ZBTB20: variants seen among roughly 807,000 people sequenced by gnomAD.
The protein encoded by ZBTB20 is zinc finger and BTB domain-containing protein 20.
ZBTB20 carries 9 observed loss-of-function variants against 56.9 expected under a neutral mutation model. The ratio of observed to expected loss-of-function variants is 0.16; its 90% CI spans 0.10 to 0.28. The LOEUF (loss-of-function observed/expected upper bound fraction) is 0.28. Ranked by LOEUF, ZBTB20 falls within the 10% of genes least tolerant of loss-of-function variation. ZBTB20 has a pLI of 1.00. For synonymous variants in ZBTB20, 417 were observed against 420.7 expected (o/e 0.99, Z 0.11); for missense variants, 655 against 1,003.0 (o/e 0.65, Z 4.69).
chr3:115,138,075 A>G (rs1236247898), intron 1 of ZBTB20, among the ~76,000 whole-genome samples: 1 of 152,084 alleles, frequency 6.6e-6, no homozygotes, highest in Admixed American at 6.6e-5. Flanking sequence ...AGCCTTCCAA[A>G]GTCATAGGAT....
At chr3:115,008,453 T>C (rs1374545630) in intron 2 of ZBTB20, among the ~76,000 whole-genome samples, 1 of 151,832 alleles carries the variant, frequency 6.6e-6, no homozygotes, top group Non-Finnish European at 1.5e-5. Flanking sequence ...ATTAGAAAAA[T>C]AACCATAAAA....
intron 7 of ZBTB20, among the ~76,000 whole-genome samples, chr3:114,404,043 A>G (rs530318411): frequency 4.6e-5 from 7 of 152,252 alleles, no homozygotes; most frequent in African/African-American, 1.7e-4. Flanking sequence ...TGTTTTGGTA[A>G]ATACTTGCTT....
chr3:114,887,446 T>C (rs935494389), intron 4 of ZBTB20, among the ~76,000 whole-genome samples: 1 of 152,052 alleles, frequency 6.6e-6, no homozygotes, highest in African/African-American at 2.4e-5. Flanking sequence ...TTAAGAACCA[T>C]GAGATAAAAT....
chr3:114,316,763 CCAAG>C lies in ZBTB20; in HGVS notation c.*22238_*22241del, dbSNP rs2078699867. 3.0e-6 allele frequency: 1 copy of C among 328,252 alleles called. No individual in the cohort carries two copies. The highest frequency in any genetic ancestry group is 9.7e-5 in the East Asian group (1 of 10,318). 20.3% of individuals were successfully genotyped at this position (328,252 alleles called of 1,614,324 possible). A position where few individuals can be genotyped will look rare whatever the true frequency, so the allele number is the denominator to read the frequency against. On this transcript the variant is annotated 3_prime_UTR_variant, in exon 12 of 12. Transcript: ENST00000675478. ...GAGAAAAATCTGACAGTTCTCAGCCCCAAGCAAGAGAAACCTGGGTTTGGTCATG... is the reference window on the plus strand; with the variant it reads ...GAGAAAAATCTGACAGTTCTCAGCCCCAAGAGAAACCTGGGTTTGGTCATG...
At chr3:114,430,218 T>C (rs2090018835) in intron 7 of ZBTB20, among the ~76,000 whole-genome samples, 1 of 152,228 alleles carries the variant, frequency 6.6e-6, no homozygotes, top group Non-Finnish European at 1.5e-5. Context: ...TGTGAGTGCC[T>C]ACTACATTTC....
chr3:114,723,675 G>A (rs2065068874), intron 5 of ZBTB20, among the ~76,000 whole-genome samples: 2 of 152,272 alleles, frequency 1.3e-5, no homozygotes, highest in South Asian at 2.1e-4. Context: ...TAAGTGATTT[G>A]AATGTGCAGC....
At position 114,657,137 on chromosome 3, in the gene ZBTB20, T is replaced by G. The variant is rs557543813; in HGVS notation, c.-295+36391A>C. On this transcript the variant is annotated intron_variant, in intron 6 of 11. Coordinates refer to ENST00000675478, the MANE Select transcript of ZBTB20 (RefSeq NM_001348800.3). The stretch of plus-strand genomic sequence containing the variant: ...TTGTGCATGATATTTATACAAACTC[T>G]GGGTTTGGTTATCTTTCTCTAATGC... Among the ~76,000 whole-genome samples the G allele has an allele frequency of 3.3e-5, 5 of 152,338 alleles. No individual in the cohort carries two copies. In the East Asian group the frequency reaches 9.6e-4, roughly 29 times the overall value.
chr3:114,493,495 T>C (rs2042960779), intron 7 of ZBTB20, among the ~76,000 whole-genome samples: 1 of 152,216 alleles, frequency 6.6e-6, no homozygotes, highest in Admixed American at 6.5e-5. Context: ...ATCCTTAACA[T>C]GGCCTACCAA....
intron 5 of ZBTB20, among the ~76,000 whole-genome samples, chr3:114,776,261 G>GAA (rs374655709): frequency 4.3e-4 from 59 of 136,418 alleles, no homozygotes; most frequent in African/African-American, 1.3e-3. Flanking sequence ...TAATTTAAAT[G>GAA]AAAAAAAAAA....
intron 2 of ZBTB20, among the ~76,000 whole-genome samples, chr3:115,040,596 A>G (rs1576628639): frequency 6.6e-6 from 1 of 152,164 alleles, no homozygotes; most frequent in African/African-American, 2.4e-5. Flanking sequence ...AATGTGAGGT[A>G]TAAAGTATGG....
At chr3:114,721,519 T>C (rs1056256952) in intron 5 of ZBTB20, among the ~76,000 whole-genome samples, 1 of 152,214 alleles carries the variant, frequency 6.6e-6, no homozygotes, top group Non-Finnish European at 1.5e-5. Context: ...CACCGAACTA[T>C]GTGCTTTATG....
At chr3:114,770,866 C>A (rs2069146745) in intron 5 of ZBTB20, among the ~76,000 whole-genome samples, 1 of 152,124 alleles carries the variant, frequency 6.6e-6, no homozygotes. Flanking sequence ...ACCCCTAATC[C>A]AAGAGTCTGA....
chr3:114,778,859 A>C (rs541498012), intron 5 of ZBTB20, among the ~76,000 whole-genome samples: 1 of 152,348 alleles, frequency 6.6e-6, no homozygotes, highest in East Asian at 1.9e-4. Context: ...CAAAACAAGA[A>C]GAACAGTCTA....
At chr3:115,013,918 G>T (rs1057336267) in intron 2 of ZBTB20, among the ~76,000 whole-genome samples, 2 of 151,334 alleles carry the variant, frequency 1.3e-5, no homozygotes, top group Non-Finnish European at 3.0e-5. Flanking sequence ...ATGTGTGTGT[G>T]TGTGTGTGTG....
intron 6 of ZBTB20, among the ~76,000 whole-genome samples, chr3:114,508,620 C>G (rs1302217609): frequency 6.6e-6 from 1 of 152,012 alleles, no homozygotes; most frequent in Non-Finnish European, 1.5e-5. Context: ...GCTTTTAAAG[C>G]CTTTGAGTGT....
At chr3:114,759,472 A>T (rs1402321760) in intron 5 of ZBTB20, among the ~76,000 whole-genome samples, 1 of 151,962 alleles carries the variant, frequency 6.6e-6, no homozygotes, top group Non-Finnish European at 1.5e-5. Flanking sequence ...TCTGCTAGGG[A>T]CTCCCTGGTG....
At chr3:114,644,390 G>A (rs190397042) in intron 6 of ZBTB20, among the ~76,000 whole-genome samples, 100 of 152,184 alleles carry the variant, frequency 6.6e-4, no homozygotes, top group African/African-American at 2.2e-3. Flanking sequence ...AGAGAGAGAT[G>A]TTTGGAATTT....
At chr3:114,482,961 G>A (rs1412910609) in intron 7 of ZBTB20, among the ~76,000 whole-genome samples, 1 of 152,116 alleles carries the variant, frequency 6.6e-6, no homozygotes, top group African/African-American at 2.4e-5. Flanking sequence ...TAGACCTGCA[G>A]CACAAATATA....
At position 114,350,855 on chromosome 3, in the gene ZBTB20, TG is replaced by T; in HGVS notation, c.1222del (p.Gln408AsnfsTer19). ...GGGGGCTTCTGCAGCCTGCTCGGGT[TG>T]GGTGGGTTCAGCCTGGCTGTCCCGC... ...AARDSQAEPT[Q>X]PEQAAEAPAE... On this transcript the variant is annotated frameshift_variant, in exon 11 of 12. Transcript: ENST00000675478. LOFTEE classifies it high-confidence loss of function. The T allele has an allele frequency of 6.2e-7, 1 of 1,611,320 alleles. No homozygotes were observed.
Sources: gnomAD v4.1 joint callset for allele counts (sites outside exome capture counted in the v4.1 genomes callset) on GRCh38, gnomAD v4.1.1 for gene constraint, MANE v1.5 for transcripts, NCBI Gene and HGNC (gene_info 2026-07-23, HGNC 2026-07-21) for gene names.